OTUD7A: variants seen among roughly 807,000 people sequenced by gnomAD.
The protein encoded by OTUD7A is OTU domain-containing protein 7A.
Under a neutral mutation model 65.7 loss-of-function variants are expected in OTUD7A, and 12 were observed. That is an observed-to-expected ratio of 0.18 (90% CI 0.12 to 0.30). The LOEUF (loss-of-function observed/expected upper bound fraction) is 0.30. Among genes scored for constraint, OTUD7A ranks in the 10% least tolerant of loss-of-function variants. The probability of loss-of-function intolerance (pLI) is 1.00; values close to 1 mark genes in which losing one functional copy is unlikely to be tolerated. For missense variants in OTUD7A, 1,148 were observed against 1,304.8 expected (o/e 0.88, Z 1.85); for synonymous variants, 641 against 586.3 (o/e 1.09, Z -1.35).
chr15:31,537,633 A>C (rs1887848907), intron 5 of OTUD7A, among the ~76,000 whole-genome samples: 1 of 152,256 alleles, frequency 6.6e-6, no homozygotes, highest in African/African-American at 2.4e-5. Context: ...TGTTTATAAC[A>C]ACCAGGCTGG....
At chr15:31,610,607 A>ATTTTTTTTTT (rs1395271113) in intron 3 of OTUD7A, among the ~76,000 whole-genome samples, 5 of 39,546 alleles carry the variant, frequency 1.3e-4, no homozygotes, top group Non-Finnish European at 2.3e-4. Context: ...ATATATATAT[A>ATTTTTTTTTT]TATATATATA....
At chr15:31,542,238 A>C (rs1194323368) in intron 5 of OTUD7A, among the ~76,000 whole-genome samples, 1 of 152,126 alleles carries the variant, frequency 6.6e-6, no homozygotes, top group African/African-American at 2.4e-5. Flanking sequence ...AGATACCTAT[A>C]AACTTGAGGT....
intron 1 of OTUD7A, among the ~76,000 whole-genome samples, chr15:31,816,979 A>C (rs1896566241): frequency 6.6e-6 from 1 of 152,122 alleles, no homozygotes; most frequent in African/African-American, 2.4e-5. Flanking sequence ...TAACCCCAAA[A>C]CTTGCCTCAA....
Position 31,703,772 on chromosome 15 carries a change from C to T in OTUD7A, c.-99-46695G>A, listed in dbSNP as rs907845720. 9.0e-4 allele frequency among the ~76,000 whole-genome samples: 134 copies of T among 148,788 alleles called. 1 individual carries two copies. The highest frequency in any genetic ancestry group is 3.2e-3 in the African/African-American group (130 of 41,066). On this transcript the variant is annotated intron_variant, in intron 1 of 12. Transcript: ENST00000307050. Reference sequence around the variant, plus strand: ...ACCCAAACACCTTTATAAGGATGTTCATAGCAACTTTCTTCATAATAGCCT... The same window carrying T: ...ACCCAAACACCTTTATAAGGATGTTTATAGCAACTTTCTTCATAATAGCCT...
intron 1 of OTUD7A, among the ~76,000 whole-genome samples, chr15:31,713,831 T>C (rs977654930): frequency 7.2e-5 from 11 of 151,900 alleles, no homozygotes; most frequent in African/African-American, 2.4e-4. Context: ...AATGGAAATA[T>C]ACTTGTACAT....
rs149010663 is a variant in OTUD7A, at chr15:31,480,923, A to C, written c.*2371T>G. The C allele has an allele frequency of 6.6e-6, 1 of 152,220 alleles. No individual in the cohort carries two copies. The highest frequency in any genetic ancestry group is 6.5e-5 in the Admixed American group (1 of 15,286). The allele number at this position is 152,220 out of a possible 1,614,324, so 9.4% of individuals were successfully genotyped here. On this transcript the variant is annotated 3_prime_UTR_variant, in exon 13 of 13. Transcript: ENST00000307050. ...TTTATCTCAGGCTCTTATTTAGGGC[A>C]CATCTGTCATCAGATGGTGATGGGT...
chr15:31,766,843 T>C (rs1895105235), intron 1 of OTUD7A: 1 of 1,611,792 alleles, frequency 6.2e-7, no homozygotes, highest in African/African-American at 1.3e-5. Flanking sequence ...TCCTTCTATG[T>C]TCGGAAAAGA....
intron 1 of OTUD7A, among the ~76,000 whole-genome samples, chr15:31,731,114 A>AT (rs1229918893): frequency 6.6e-6 from 1 of 152,204 alleles, no homozygotes; most frequent in East Asian, 1.9e-4. Context: ...CTGTTTTGTT[A>AT]TAACTGTTTG....
chr15:31,529,095 G>A (rs769204343), intron 6 of OTUD7A, among the ~76,000 whole-genome samples: 6 of 152,192 alleles, frequency 3.9e-5, no homozygotes, highest in Admixed American at 2.6e-4. Context: ...GCCTTGCCCC[G>A]CTGTTGTGCT....
chr15:31,630,639 C>G (rs1257900245), intron 3 of OTUD7A, among the ~76,000 whole-genome samples: 1 of 152,138 alleles, frequency 6.6e-6, no homozygotes, highest in African/African-American at 2.4e-5. Context: ...TCCTGGGTAT[C>G]CTTGTTAACT....
chr15:31,648,733 C>T (rs184208004), intron 3 of OTUD7A, among the ~76,000 whole-genome samples: 1 of 152,258 alleles, frequency 6.6e-6, no homozygotes, highest in East Asian at 1.9e-4. Flanking sequence ...TATATCTTTG[C>T]CTGTAACTTC....
At chr15:31,515,328 G>A (rs147766368) in intron 8 of OTUD7A, among the ~76,000 whole-genome samples, 23 of 152,206 alleles carry the variant, frequency 1.5e-4, no homozygotes, top group African/African-American at 5.3e-4. Flanking sequence ...TCTGGGATCT[G>A]AGCAGCTACA....
intron 1 of OTUD7A, among the ~76,000 whole-genome samples, chr15:31,673,286 G>C (rs1477329332): frequency 2.0e-5 from 3 of 152,186 alleles, no homozygotes; most frequent in Admixed American, 2.0e-4. Flanking sequence ...AATTCCTAAA[G>C]TATCCACAAG....
intron 1 of OTUD7A, among the ~76,000 whole-genome samples, chr15:31,785,096 T>C (rs988161310): frequency 3.3e-5 from 5 of 152,200 alleles, no homozygotes; most frequent in African/African-American, 1.2e-4. Flanking sequence ...AAGTACACAC[T>C]GATGCATCTA....
At chr15:31,794,456 T>C (rs567323805) in intron 1 of OTUD7A, among the ~76,000 whole-genome samples, 226 of 151,644 alleles carry the variant, frequency 1.5e-3, no homozygotes, top group Non-Finnish European at 2.4e-3. Context: ...AAATATAAAT[T>C]TGTCACTTCC....
intron 1 of OTUD7A, among the ~76,000 whole-genome samples, chr15:31,810,595 GGGATTTTCGGGCT>G (rs1896392228): frequency 6.6e-6 from 1 of 152,128 alleles, no homozygotes; most frequent in Non-Finnish European, 1.5e-5. Flanking sequence ...ACCTTCATCT[GGGATTTTCGGGCT>G]CCAGAATTGT....
chr15:31,845,078 G>A (rs1337789972), intron 1 of OTUD7A, among the ~76,000 whole-genome samples: 1 of 152,210 alleles, frequency 6.6e-6, no homozygotes, highest in Non-Finnish European at 1.5e-5. Flanking sequence ...GGGCTCCTGA[G>A]AGAGCCCCGA....
rs60003366 is a variant in OTUD7A, at chr15:31,753,720, A to T, written c.-99-96643T>A. 6.5e-3 allele frequency among the ~76,000 whole-genome samples: 448 copies of T among 69,340 alleles called. 6 individuals are homozygous for T. Among genetic ancestry groups the T allele is most frequent in the African/African-American group, 0.018 (313 of 17,350 alleles). 45.5% of individuals were successfully genotyped at this position (69,340 alleles called of 152,430 possible). A position where few individuals can be genotyped will look rare whatever the true frequency, so the allele number is the denominator to read the frequency against. ...ATATATATTATATATATATATATAT[A>T]TTATATATATATATATATATCTCAC... On this transcript the variant is annotated intron_variant, in intron 1 of 12. Coordinates refer to ENST00000307050, the MANE Select transcript of OTUD7A (RefSeq NM_001382637.1).
chr15:31,784,969 G>A (rs1895633536), intron 1 of OTUD7A, among the ~76,000 whole-genome samples: 1 of 152,122 alleles, frequency 6.6e-6, no homozygotes, highest in African/African-American at 2.4e-5. Flanking sequence ...CTGCCCACCT[G>A]TGCTTATCTC....
Sources: allele counts gnomAD v4.1 joint callset (sites outside exome capture counted in the v4.1 genomes callset), GRCh38; gene constraint gnomAD v4.1.1; transcripts MANE v1.5; gene names NCBI Gene and HGNC (gene_info 2026-07-23, HGNC 2026-07-21).